The following ESRRG variants were observed in gnomAD, a reference collection of about 807,000 sequenced individuals.
ESRRG encodes the protein estrogen-related receptor gamma.
Under a neutral mutation model 44.0 loss-of-function variants are expected in ESRRG, and 13 were observed. The ratio of observed to expected loss-of-function variants is 0.30; its 90% CI spans 0.19 to 0.47. The LOEUF is 0.47. Ranked by LOEUF, ESRRG falls within the 20% of genes least tolerant of loss-of-function variation. The probability of loss-of-function intolerance (pLI) is 1.00; values close to 1 mark genes in which losing one functional copy is unlikely to be tolerated. For missense variants in ESRRG, 395 were observed against 580.6 expected (o/e 0.68, Z 3.29); for synonymous variants, 215 against 214.6 (o/e 1.00, Z -0.02).
chr1:216,852,638 C>CCT (rs1413429316), intron 2 of ESRRG, among the ~76,000 whole-genome samples: 5 of 152,128 alleles, frequency 3.3e-5, no homozygotes, highest in Non-Finnish European at 5.9e-5. Context: ...TTAAGTTTCA[C>CCT]TGAATTTTGA....
intron 2 of ESRRG, among the ~76,000 whole-genome samples, chr1:216,800,093 G>T (rs1294854802): frequency 1.3e-5 from 2 of 152,084 alleles, no homozygotes; most frequent in Non-Finnish European, 2.9e-5. Context: ...CTAAAAATTC[G>T]GTTGTAAATA....
intron 1 of ESRRG, among the ~76,000 whole-genome samples, chr1:217,029,494 A>G (rs182083193): frequency 1.7e-3 from 254 of 152,312 alleles, no homozygotes; most frequent in African/African-American, 5.8e-3. Flanking sequence ...CTTACACAAC[A>G]GGTCCTGCCA....
At chr1:216,872,599 A>G (rs1276992985) in intron 2 of ESRRG, among the ~76,000 whole-genome samples, 1 of 152,076 alleles carries the variant, frequency 6.6e-6, no homozygotes, top group African/African-American at 2.4e-5. Context: ...AGCAGACCCA[A>G]TAAGATTTTT....
At chr1:217,069,331 C>T (rs553947655) in intron 1 of ESRRG, among the ~76,000 whole-genome samples, 5 of 151,948 alleles carry the variant, frequency 3.3e-5, no homozygotes, top group African/African-American at 1.2e-4. Context: ...TAGCCTATTG[C>T]GGGACCTTGT....
At chr1:216,947,367 C>T (rs532838517) in intron 1 of ESRRG, among the ~76,000 whole-genome samples, 1 of 152,056 alleles carries the variant, frequency 6.6e-6, no homozygotes, top group Non-Finnish European at 1.5e-5. Context: ...GTGGTTGATA[C>T]GAATATATCA....
intron 2 of ESRRG, among the ~76,000 whole-genome samples, chr1:216,750,261 C>A (rs1023970705): frequency 1.3e-5 from 2 of 152,090 alleles, no homozygotes; most frequent in African/African-American, 4.8e-5. Flanking sequence ...TCGGAGAGAA[C>A]AAAATCACTC....
chr1:216,911,391 C>A (rs1447842982), intron 2 of ESRRG, among the ~76,000 whole-genome samples: 1 of 151,982 alleles, frequency 6.6e-6, no homozygotes, highest in African/African-American at 2.4e-5. Context: ...TATGAAAAGG[C>A]AAAATTGTGG....
At chr1:217,009,611 A>G (rs2078242835) in intron 1 of ESRRG, among the ~76,000 whole-genome samples, 1 of 151,976 alleles carries the variant, frequency 6.6e-6, no homozygotes, top group Non-Finnish European at 1.5e-5. Flanking sequence ...TAGGCCTGAA[A>G]GTTTGCTTAA....
chr1:216,613,012 G>C (rs11117632), intron 3 of ESRRG, among the ~76,000 whole-genome samples: 1 of 151,904 alleles, frequency 6.6e-6, no homozygotes, highest in Non-Finnish European at 1.5e-5. Context: ...TCAGCTTTTC[G>C]AATTGAACTG....
intron 1 of ESRRG, among the ~76,000 whole-genome samples, chr1:216,956,024 G>A (rs1046198838): frequency 6.6e-6 from 1 of 152,128 alleles, no homozygotes; most frequent in East Asian, 1.9e-4. Flanking sequence ...TTCATAAATT[G>A]TTTCCTTTGC....
intron 1 of ESRRG, among the ~76,000 whole-genome samples, chr1:216,711,420 A>G (rs2151971317): frequency 6.6e-6 from 1 of 152,302 alleles, no homozygotes; most frequent in East Asian, 1.9e-4. Context: ...AGCACTAACT[A>G]GCATATTAAG....
chr1:216,817,228 C>G (rs1461374858), intron 2 of ESRRG, among the ~76,000 whole-genome samples: 1 of 152,062 alleles, frequency 6.6e-6, no homozygotes, highest in Non-Finnish European at 1.5e-5. Flanking sequence ...GAGAAAAGAG[C>G]TACCAGATGC....
chr1:216,683,747 A>G (rs144020641), intron 1 of ESRRG, among the ~76,000 whole-genome samples: 1 of 152,306 alleles, frequency 6.6e-6, no homozygotes, highest in East Asian at 1.9e-4. Flanking sequence ...ATACCTACTG[A>G]CCAAACTCTT....
At chr1:216,879,648 C>A (rs2096412213) in intron 2 of ESRRG, among the ~76,000 whole-genome samples, 1 of 152,130 alleles carries the variant, frequency 6.6e-6, no homozygotes, top group Non-Finnish European at 1.5e-5. Flanking sequence ...GACAATATCA[C>A]CAGAGAGTTA....
chr1:216,974,175 A>G (rs914660091), intron 1 of ESRRG, among the ~76,000 whole-genome samples: 1 of 152,196 alleles, frequency 6.6e-6, no homozygotes, highest in Non-Finnish European at 1.5e-5. Flanking sequence ...GCTAATTAGA[A>G]AGACTATAGT....
chr1:216,916,773 G>GA (rs568626694), intron 2 of ESRRG, among the ~76,000 whole-genome samples: 1 of 133,756 alleles, frequency 7.5e-6, no homozygotes, highest in Non-Finnish European at 1.5e-5. Context: ...AACACAGTGA[G>GA]AAAAAATATA....
intron 1 of ESRRG, among the ~76,000 whole-genome samples, chr1:217,096,890 C>A (rs765429102): frequency 2.0e-5 from 3 of 152,154 alleles, no homozygotes; most frequent in Non-Finnish European, 2.9e-5. Flanking sequence ...TCAAGGAGAA[C>A]ATTTGCCTGC....
chr1:216,954,244 A>G (rs2067518327), intron 1 of ESRRG, among the ~76,000 whole-genome samples: 1 of 152,140 alleles, frequency 6.6e-6, no homozygotes, highest in African/African-American at 2.4e-5. Flanking sequence ...AAATGCTATA[A>G]GTAATAACTC....
intron 2 of ESRRG, among the ~76,000 whole-genome samples, chr1:216,906,546 C>T (rs1160674896): frequency 2.0e-5 from 3 of 152,200 alleles, no homozygotes; most frequent in Non-Finnish European, 1.5e-5. Flanking sequence ...TCCTACTTCC[C>T]TCCCTACCAG....
Sources: allele counts gnomAD v4.1 joint callset (sites outside exome capture counted in the v4.1 genomes callset), GRCh38; gene constraint gnomAD v4.1.1; transcripts MANE v1.5; gene names NCBI Gene and HGNC (gene_info 2026-07-23, HGNC 2026-07-21).